SIL1: variants seen among roughly 807,000 people sequenced by gnomAD.
The protein encoded by SIL1 is nucleotide exchange factor SIL1.
SIL1 carries 40 observed loss-of-function variants against 49.1 expected under a neutral mutation model. The ratio of observed to expected loss-of-function variants is 0.81; its 90% CI spans 0.63 to 1.06. SIL1 has a LOEUF of 1.06. SIL1 is among the 50% of genes least tolerant of loss of function. The probability of loss-of-function intolerance (pLI) is 0.00; values close to 1 mark genes in which losing one functional copy is unlikely to be tolerated. For synonymous variants in SIL1, 253 were observed against 250.8 expected (o/e 1.01, Z -0.08); for missense variants, 500 against 572.6 (o/e 0.87, Z 1.29).
At chr5:139,033,102 T>C (rs1386493805) in intron 5 of SIL1, among the ~76,000 whole-genome samples, 1 of 152,160 alleles carries the variant, frequency 6.6e-6, no homozygotes, top group East Asian at 1.9e-4. Flanking sequence ...CAAGTGATTC[T>C]CCTGCCTCAG....
chr5:139,043,017 AG>A (rs1321008412), intron 4 of SIL1, among the ~76,000 whole-genome samples: 1 of 152,102 alleles, frequency 6.6e-6, no homozygotes, highest in Admixed American at 6.5e-5. Context: ...ATAAGAGGGG[AG>A]CATCATATTC....
chr5:139,056,775 T>C (rs1769452131), intron 3 of SIL1, among the ~76,000 whole-genome samples: 1 of 151,100 alleles, frequency 6.6e-6, no homozygotes, highest in African/African-American at 2.4e-5. Flanking sequence ...TACTGGGAAG[T>C]GAGGAGCCCC....
chr5:139,038,028 G>A (rs1768957381), intron 5 of SIL1, among the ~76,000 whole-genome samples: 1 of 152,234 alleles, frequency 6.6e-6, no homozygotes, highest in Non-Finnish European at 1.5e-5. Flanking sequence ...ACACGGTAGA[G>A]AGAGAGAGTA....
chr5:139,066,547 T>A (rs1769710659), intron 3 of SIL1, among the ~76,000 whole-genome samples: 1 of 152,124 alleles, frequency 6.6e-6, no homozygotes, highest in Non-Finnish European at 1.5e-5. Context: ...CTCTAGTGCC[T>A]TGCTTATTCT....
At chr5:139,163,276 A>T (rs1399075420) in intron 1 of SIL1, among the ~76,000 whole-genome samples, 1 of 152,194 alleles carries the variant, frequency 6.6e-6, no homozygotes, top group Non-Finnish European at 1.5e-5. Flanking sequence ...TGATTCCAAG[A>T]TGGAAACTGA....
At chr5:139,133,060 C>A (rs1750898630) in intron 1 of SIL1, among the ~76,000 whole-genome samples, 1 of 22,228 alleles carries the variant, frequency 4.5e-5, no homozygotes, top group Non-Finnish European at 1.0e-4. Context: ...CCTGCATACC[C>A]TGCAAAAAAA....
chr5:139,143,342 C>CATAT lies in SIL1; in HGVS notation c.-10-15490_-10-15489insATAT, dbSNP rs1254298733. Among the ~76,000 whole-genome samples, 128 of 90,614 alleles carry CATAT rather than the reference C, an allele frequency of 1.4e-3. 1 individual carries two copies. Among genetic ancestry groups the CATAT allele is most frequent in the African/African-American group, 7.6e-3 (121 of 16,014 alleles). The allele number at this position is 90,614 out of a possible 152,430, so 59.4% of individuals were successfully genotyped here. A position where few individuals can be genotyped will look rare whatever the true frequency, so the allele number is the denominator to read the frequency against. Reference sequence around the variant, plus strand: ...ACACACACACACACACACACACACACACATATATATATATATATATATATG... The same window carrying CATAT: ...ACACACACACACACACACACACACACATATACATATATATATATATATATATATG... On this transcript the variant is annotated intron_variant, in intron 1 of 9. Transcript: ENST00000394817.
chr5:139,000,574 A>G (rs1247192825), intron 7 of SIL1, among the ~76,000 whole-genome samples: 3 of 152,180 alleles, frequency 2.0e-5, no homozygotes, highest in African/African-American at 4.8e-5. Flanking sequence ...AATTAAATCT[A>G]TATCTCACAG....
intron 1 of SIL1, among the ~76,000 whole-genome samples, chr5:139,152,734 G>A (rs1489762103): frequency 6.6e-6 from 1 of 151,964 alleles, no homozygotes; most frequent in Non-Finnish European, 1.5e-5. Context: ...GGTTTTCCAG[G>A]ACCCTCAGAA....
chr5:139,186,150 A>C (rs985804113), intron 1 of SIL1, among the ~76,000 whole-genome samples: 2 of 152,348 alleles, frequency 1.3e-5, no homozygotes, highest in East Asian at 3.9e-4. Context: ...CAAAAAGTGC[A>C]AAAGTTCTTG....
intron 1 of SIL1, among the ~76,000 whole-genome samples, chr5:139,180,381 CAA>C (rs35534058): frequency 2.3e-4 from 13 of 57,050 alleles, no homozygotes; most frequent in East Asian, 5.4e-4. Flanking sequence ...AACTCCATCT[CAA>C]AAAAAAAAAA....
intron 1 of SIL1, among the ~76,000 whole-genome samples, chr5:139,138,271 T>C (rs1751015184): frequency 1.3e-5 from 2 of 152,226 alleles, no homozygotes; most frequent in Non-Finnish European, 2.9e-5. Flanking sequence ...TATTTCTACA[T>C]GGCAGACAAA....
At chr5:139,190,290 A>C (rs1752144548) in intron 1 of SIL1, among the ~76,000 whole-genome samples, 1 of 152,196 alleles carries the variant, frequency 6.6e-6, no homozygotes, top group Non-Finnish European at 1.5e-5. Context: ...GTCTGGCCTG[A>C]GCACTATTTG....
chr5:139,105,647 A>C lies in SIL1; in HGVS notation c.244+15388T>G, dbSNP rs1012195187. 2.6e-5 allele frequency among the ~76,000 whole-genome samples: 4 copies of C among 152,332 alleles called. No individual in the cohort carries two copies. The South Asian group carries it at 8.3e-4, about 32-fold the overall frequency. ...ATAATGCATGCAGGCCCGGGAGTGC[A>C]GACATTCCCTCCCGGCGGCCTGCTC... On this transcript the variant is annotated intron_variant, in intron 3 of 9. Transcript: ENST00000394817.
chr5:139,068,197 T>A (rs1769748784), intron 3 of SIL1, among the ~76,000 whole-genome samples: 1 of 152,130 alleles, frequency 6.6e-6, no homozygotes, highest in Non-Finnish European at 1.5e-5. Context: ...ACTAAACCCA[T>A]GAGCAACATT....
chr5:138,982,662 T>C (rs929198384), intron 7 of SIL1, among the ~76,000 whole-genome samples: 6 of 152,224 alleles, frequency 3.9e-5, no homozygotes, highest in African/African-American at 1.4e-4. Context: ...ACTGTACAAG[T>C]CAGTGGGATG....
chr5:139,093,430 C>T (rs867397993), intron 3 of SIL1, among the ~76,000 whole-genome samples: 13 of 152,148 alleles, frequency 8.5e-5, no homozygotes, highest in African/African-American at 3.1e-4. Context: ...TCCTTCAGAG[C>T]GCAGTTAGCT....
At chr5:139,159,418 T>A (rs1198275180) in intron 1 of SIL1, among the ~76,000 whole-genome samples, 4 of 152,240 alleles carry the variant, frequency 2.6e-5, no homozygotes. Flanking sequence ...AAGGGGATGT[T>A]AAAATAAATT....
chr5:139,089,249 C>A (rs1208716519), intron 3 of SIL1, among the ~76,000 whole-genome samples: 1 of 152,188 alleles, frequency 6.6e-6, no homozygotes, highest in African/African-American at 2.4e-5. Context: ...TAAATCATAA[C>A]CACATTCTCT....
Sources: allele counts gnomAD v4.1 joint callset (sites outside exome capture counted in the v4.1 genomes callset), GRCh38; gene constraint gnomAD v4.1.1; transcripts MANE v1.5; gene names NCBI Gene and HGNC (gene_info 2026-07-23, HGNC 2026-07-21).